Variants in JARID2 observed in about 807,000 individuals in gnomAD.
JARID2 encodes jumonji and AT-rich interaction domain containing 2, also known as protein Jumonji.
In JARID2, 21 loss-of-function variants were observed where a neutral mutation model predicts 125.6. The ratio of observed to expected loss-of-function variants is 0.17; its 90% CI spans 0.12 to 0.24. The LOEUF (loss-of-function observed/expected upper bound fraction) is 0.24, where lower values mean the gene tolerates loss of function less well. Among genes scored for constraint, JARID2 ranks in the 10% least tolerant of loss-of-function variants. The pLI, the probability that JARID2 is intolerant of heterozygous loss-of-function variation, is 1.00. For synonymous variants in JARID2, 736 were observed against 661.6 expected (o/e 1.11, Z -1.73); for missense variants, 1,303 against 1,639.6 (o/e 0.79, Z 3.55).
intron 1 of JARID2, among the ~76,000 whole-genome samples, chr6:15,313,075 A>G (rs1762068420): frequency 6.6e-6 from 1 of 152,164 alleles, no homozygotes; most frequent in South Asian, 2.1e-4. Flanking sequence ...CTTGTTTTTA[A>G]ACAATCTTCT....
chr6:15,345,993 G>C (rs1025098480), intron 1 of JARID2, among the ~76,000 whole-genome samples: 4 of 152,196 alleles, frequency 2.6e-5, no homozygotes, highest in Admixed American at 2.6e-4. Flanking sequence ...GTAAGTGTTC[G>C]TGGTTTTGTT....
At position 15,483,128 on chromosome 6, in the gene JARID2, T is replaced by A. The variant is rs577616299; in HGVS notation, c.671-4179T>A. On this transcript the variant is annotated intron_variant, in intron 5 of 17. Transcript: ENST00000341776. ...CTAGTAACTAAGTAAAAACTACAAA[T>A]AACTAAGTCCGAAGAACTATAGTGT... Among the ~76,000 whole-genome samples, 3 of 152,332 alleles carry A rather than the reference T, an allele frequency of 2.0e-5. No homozygotes were observed. In the South Asian group the frequency reaches 6.2e-4, roughly 32 times the overall value.
At chr6:15,430,811 A>G (rs1766936886) in intron 3 of JARID2, among the ~76,000 whole-genome samples, 1 of 152,304 alleles carries the variant, frequency 6.6e-6, no homozygotes, top group Admixed American at 6.5e-5. Context: ...GTAACTGCAC[A>G]TGATCCAGAC....
rs769334510 is a variant in JARID2, at chr6:15,507,130, C to T, written c.2542-6C>T. The T allele has an allele frequency of 6.3e-6, 10 of 1,592,370 alleles. No individual in the cohort carries two copies. Among genetic ancestry groups the T allele is most frequent in the Non-Finnish European group, 8.6e-6 (10 of 1,160,274 alleles). On this transcript the variant is annotated splice_region_variant and splice_polypyrimidine_tract_variant and intron_variant, in intron 9 of 17. Coordinates refer to ENST00000341776, the MANE Select transcript of JARID2 (RefSeq NM_004973.4). ...GTGCTGACCAGCCCTTTCCTGTTCC[C>T]TGCAGCAAGAGTACTGGAGGCTAGT...
chr6:15,415,543 C>CGGGCAGAGGCGCCCCTCACCTCCG (rs1766120713), intron 3 of JARID2, among the ~76,000 whole-genome samples: 11 of 148,564 alleles, frequency 7.4e-5, no homozygotes, highest in Non-Finnish European at 1.6e-4. Flanking sequence ...CCTCACCTCC[C>CGGGCAGAGGCGCCCCTCACCTCCG]GGGCAGAGGC....
At chr6:15,464,367 T>G (rs1026178918) in intron 4 of JARID2, among the ~76,000 whole-genome samples, 4 of 152,216 alleles carry the variant, frequency 2.6e-5, no homozygotes, top group Non-Finnish European at 5.9e-5. Context: ...TACCTACTTC[T>G]GTTTGTCTAT....
intron 1 of JARID2, among the ~76,000 whole-genome samples, chr6:15,360,589 T>A (rs1763758857): frequency 6.6e-6 from 1 of 152,198 alleles, no homozygotes; most frequent in African/African-American, 2.4e-5. Flanking sequence ...GTTCAAGCGA[T>A]CTTCTCACCT....
chr6:15,497,422 G>T (rs369256174), intron 7 of JARID2, among the ~76,000 whole-genome samples: 2 of 152,152 alleles, frequency 1.3e-5, no homozygotes, highest in African/African-American at 4.8e-5. Context: ...AGCACTTTGG[G>T]AGGCTGAGGC....
intron 1 of JARID2, among the ~76,000 whole-genome samples, chr6:15,270,487 A>C (rs1760255488): frequency 6.6e-6 from 1 of 152,120 alleles, no homozygotes; most frequent in Non-Finnish European, 1.5e-5. Context: ...AGGTAGCTGC[A>C]ATCCCTTGCC....
At position 15,501,266 on chromosome 6, in the gene JARID2, G is replaced by A. The variant is rs777546707; in HGVS notation, c.2305G>A (p.Gly769Ser). 1.5e-5 allele frequency: 25 copies of A among 1,613,468 alleles called. No individual in the cohort carries two copies. The highest frequency in any genetic ancestry group is 1.6e-4 in the Middle Eastern group (1 of 6,082). ...CATCCACGGCGTGGCCCCCAGGAAC[G>A]GCTTCCGCAGCAAGCTCAAGGAGGT... ...GLIHGVAPRN[G>S]FRSKLKEVGQ... Residue 769 changes from glycine (G) to serine (S), a missense_variant, in exon 8 of 18, where the codon GGC becomes AGC. By Grantham distance (56) the Gly-to-Ser change is moderately conservative. This residue lies in a region of JARID2 where 124 missense variants were observed against 131.0 expected (regional missense o/e 0.95). Coordinates refer to ENST00000341776, the MANE Select transcript of JARID2 (RefSeq NM_004973.4).
intron 1 of JARID2, among the ~76,000 whole-genome samples, chr6:15,316,236 C>T (rs1247618939): frequency 1.3e-5 from 2 of 152,116 alleles, no homozygotes; most frequent in South Asian, 2.1e-4. Flanking sequence ...TCTCCTGCCT[C>T]AGCCTCCCTA....
At chr6:15,364,617 C>CT (rs948949739) in intron 1 of JARID2, among the ~76,000 whole-genome samples, 4 of 152,156 alleles carry the variant, frequency 2.6e-5, no homozygotes, top group African/African-American at 9.7e-5. Flanking sequence ...GCTTTAGACT[C>CT]TAATTTTCTT....
intron 4 of JARID2, among the ~76,000 whole-genome samples, chr6:15,456,898 T>TA (rs1768205135): frequency 1.3e-5 from 2 of 149,620 alleles, no homozygotes; most frequent in Admixed American, 1.3e-4. Flanking sequence ...TTTTTTTTTT[T>TA]ACAATCATAA....
rs536409098 is a variant in JARID2 at position 15,496,507 on chromosome 6, C to G, written c.1282C>G (p.Arg428Gly). ...CTKEVGGRQL[R>G]EGLQLREGLR... ...TAAGGAGGTGGGGGGGCGGCAGCTGCGGGAGGGCCTGCAGCTGCGGGAGGG... is the reference window on the plus strand; with the variant it reads ...TAAGGAGGTGGGGGGGCGGCAGCTGGGGGAGGGCCTGCAGCTGCGGGAGGG... The change falls in exon 7 of 18, where the codon CGG (arginine) becomes GGG (glycine). Residue 428 changes from arginine to glycine, a missense_variant. Transcript: ENST00000341776. 1 of 1,599,772 alleles carries G rather than the reference C, an allele frequency of 6.3e-7. No homozygotes were observed. The highest frequency in any genetic ancestry group is 8.5e-7 in the Non-Finnish European group (1 of 1,173,404).
chr6:15,367,868 A>G (rs1216366257), intron 1 of JARID2, among the ~76,000 whole-genome samples: 4 of 152,188 alleles, frequency 2.6e-5, no homozygotes, highest in African/African-American at 2.4e-5. Flanking sequence ...GTCGACTCCA[A>G]GTATCATCCT....
At chr6:15,306,332 T>C (rs1273518949) in intron 1 of JARID2, among the ~76,000 whole-genome samples, 5 of 132,440 alleles carry the variant, frequency 3.8e-5, no homozygotes, top group South Asian at 2.9e-4. Flanking sequence ...ATATTTCTTT[T>C]TTTTTTTTTT....
At chr6:15,427,941 G>A (rs1362485863) in intron 3 of JARID2, among the ~76,000 whole-genome samples, 1 of 151,134 alleles carries the variant, frequency 6.6e-6, no homozygotes, top group Non-Finnish European at 1.5e-5. Flanking sequence ...TGACTGCCTA[G>A]TGCAATTGCA....
chr6:15,304,303 T>TCTC (rs1761736405), intron 1 of JARID2, among the ~76,000 whole-genome samples: 1 of 26,750 alleles, frequency 3.7e-5, no homozygotes. Context: ...AATTTGCTGA[T>TCTC]CCCCCCCCCC....
At chr6:15,461,727 C>T (rs1365957715) in intron 4 of JARID2, among the ~76,000 whole-genome samples, 2 of 152,072 alleles carry the variant, frequency 1.3e-5, no homozygotes, top group East Asian at 3.9e-4. Flanking sequence ...CTTGCTTTTG[C>T]CTATGTTTGG....
Sources: gnomAD v4.1 joint callset for allele counts (sites outside exome capture counted in the v4.1 genomes callset) on GRCh38, gnomAD v4.1.1 for gene constraint, gnomAD v4.1.1 regional missense constraint, MANE v1.5 for transcripts, NCBI Gene and HGNC (gene_info 2026-07-23, HGNC 2026-07-21) for gene names.